FMN2: variants seen among roughly 807,000 people sequenced by gnomAD.
FMN2 encodes the protein formin 2, also known as formin-2.
In FMN2, 51 loss-of-function variants were observed where a neutral mutation model predicts 142.3. The ratio of observed to expected loss-of-function variants is 0.36; its 90% CI spans 0.29 to 0.45. The LOEUF is 0.45. FMN2 is among the 20% of genes least tolerant of loss of function. The pLI is 1.00. For missense variants in FMN2, 1,936 were observed against 2,122.8 expected (o/e 0.91, Z 1.73); for synonymous variants, 882 against 869.8 (o/e 1.01, Z -0.25).
chr1:240,418,238 C>T lies in FMN2; in HGVS notation c.4911-19823C>T, dbSNP rs1165756900. ...TTTTTGAGATGGAGTCTCACTCTGTCGCCCAGGCTGGAATGCAGTGGCACA... is the reference window on the plus strand; with the variant it reads ...TTTTTGAGATGGAGTCTCACTCTGTTGCCCAGGCTGGAATGCAGTGGCACA... On this transcript the variant is annotated intron_variant, in intron 15 of 17. Coordinates refer to ENST00000319653, the MANE Select transcript of FMN2 (RefSeq NM_020066.5). 2.1e-5 allele frequency among the ~76,000 whole-genome samples: 3 copies of T among 142,296 alleles called. No homozygotes were observed. In the Admixed American group the frequency reaches 2.2e-4, roughly 10 times the overall value. 93.4% of individuals were successfully genotyped at this position (142,296 alleles called of 152,430 possible). A position where few individuals can be genotyped will look rare whatever the true frequency, so the allele number is the denominator to read the frequency against.
At chr1:240,437,386 T>G (rs902295280) in intron 15 of FMN2, among the ~76,000 whole-genome samples, 4 of 148,904 alleles carry the variant, frequency 2.7e-5, no homozygotes, top group Non-Finnish European at 5.9e-5. Flanking sequence ...CTGTGCCTCC[T>G]GGGTTCATGC....
intron 2 of FMN2, among the ~76,000 whole-genome samples, chr1:240,173,409 A>C (rs1664790466): frequency 6.6e-6 from 1 of 152,134 alleles, no homozygotes; most frequent in Non-Finnish European, 1.5e-5. Flanking sequence ...TTAAGTGTTG[A>C]AATGTGGGGT....
At chr1:240,198,338 C>A (rs1284412632) in intron 4 of FMN2, among the ~76,000 whole-genome samples, 1 of 152,134 alleles carries the variant, frequency 6.6e-6, no homozygotes, top group African/African-American at 2.4e-5. Flanking sequence ...ATTACTTTAA[C>A]CTTCCCATCG....
intron 7 of FMN2, among the ~76,000 whole-genome samples, chr1:240,266,809 C>G (rs1203376733): frequency 6.6e-6 from 1 of 151,904 alleles, no homozygotes; most frequent in African/African-American, 2.4e-5. Context: ...CTACAGTCAT[C>G]CAATCTTCAA....
At chr1:240,184,373 A>G (rs1240067217) in intron 3 of FMN2, among the ~76,000 whole-genome samples, 2 of 148,584 alleles carry the variant, frequency 1.3e-5, no homozygotes, top group Admixed American at 1.4e-4. Flanking sequence ...AGTAGCTGGG[A>G]CTGCAGGTGC....
chr1:240,143,201 C>G, intron 2 of FMN2: 4 of 1,591,678 alleles, frequency 2.5e-6, no homozygotes, highest in Non-Finnish European at 3.4e-6. Context: ...CACTGCCCAC[C>G]ATGCCCATGG....
chr1:240,364,340 A>G (rs1219142471), intron 14 of FMN2, among the ~76,000 whole-genome samples: 1 of 152,172 alleles, frequency 6.6e-6, no homozygotes, highest in Admixed American at 6.5e-5. Context: ...AATCCCATGT[A>G]AGATAATCAA....
intron 6 of FMN2, among the ~76,000 whole-genome samples, chr1:240,248,432 G>GGTAT (rs1668156358): frequency 7.0e-6 from 1 of 142,442 alleles, no homozygotes; most frequent in African/African-American, 2.5e-5. Context: ...CATGTGATTG[G>GGTAT]ATATATATAT....
At chr1:240,350,909 T>G (rs901957200) in intron 13 of FMN2, among the ~76,000 whole-genome samples, 1 of 152,186 alleles carries the variant, frequency 6.6e-6, no homozygotes, top group African/African-American at 2.4e-5. Context: ...CAAGACATTT[T>G]GCAGATAAAC....
At chr1:240,258,093 G>A (rs1668510815) in intron 7 of FMN2, 61 bp downstream of exon 7, 6 of 1,265,954 alleles carry the variant, frequency 4.7e-6, no homozygotes, top group East Asian at 2.3e-5. Flanking sequence ...GGGATATGAT[G>A]TTTGTTGGTA....
chr1:240,439,279 A>AAAAAAAAAAAAAAAG (rs555074808), intron 16 of FMN2, among the ~76,000 whole-genome samples: 3 of 124,720 alleles, frequency 2.4e-5, no homozygotes, highest in African/African-American at 9.4e-5. Flanking sequence ...TCAAAAAAAA[A>AAAAAAAAAAAAAAAG]AAAGAAAGAA....
chr1:240,140,483 A>G (rs180870628), intron 2 of FMN2, among the ~76,000 whole-genome samples: 9 of 152,284 alleles, frequency 5.9e-5, no homozygotes, highest in Non-Finnish European at 1.3e-4. Flanking sequence ...TTGCCACAAC[A>G]CAGATCCACG....
intron 16 of FMN2, among the ~76,000 whole-genome samples, chr1:240,442,488 C>T (rs1188048655): frequency 6.6e-6 from 1 of 152,234 alleles, no homozygotes; most frequent in Non-Finnish European, 1.5e-5. Context: ...AAACAATAAT[C>T]TGGCCTAATT....
At chr1:240,446,973 C>T (rs1675839278) in intron 16 of FMN2, among the ~76,000 whole-genome samples, 1 of 152,162 alleles carries the variant, frequency 6.6e-6, no homozygotes, top group Non-Finnish European at 1.5e-5. Context: ...TTCTTCTGCA[C>T]TTAAACATTA....
chr1:240,169,768 A>G lies in FMN2; in HGVS notation c.1783-8153A>G, dbSNP rs575894724. On this transcript the variant is annotated intron_variant, in intron 2 of 17. Transcript: ENST00000319653. ...GGAATTATAGGCGTGAGCCACCAGC[A>G]CACCTGACCAGGACAGATTTTAGAG... Among the ~76,000 whole-genome samples, 59 of 152,286 alleles carry G rather than the reference A, an allele frequency of 3.9e-4. 1 individual carries two copies. The highest frequency in any genetic ancestry group is 1.3e-3 in the African/African-American group (54 of 41,568).
intron 7 of FMN2, among the ~76,000 whole-genome samples, chr1:240,278,638 T>C (rs1669297043): frequency 6.6e-6 from 1 of 152,164 alleles, no homozygotes. Flanking sequence ...GATCATAACT[T>C]CAGCTGAGAT....
At chr1:240,158,760 G>T (rs1309593960) in intron 2 of FMN2, among the ~76,000 whole-genome samples, 2 of 151,882 alleles carry the variant, frequency 1.3e-5, no homozygotes, top group Non-Finnish European at 2.9e-5. Flanking sequence ...CCCCTATTTT[G>T]TCCACACTCT....
At chr1:240,204,366 G>A (rs1295801438) in intron 4 of FMN2, among the ~76,000 whole-genome samples, 3 of 152,186 alleles carry the variant, frequency 2.0e-5, no homozygotes, top group African/African-American at 7.2e-5. Flanking sequence ...TTGGGTTGCT[G>A]AGCTGGGAGG....
chr1:240,395,255 T>C (rs1300306575), intron 15 of FMN2, among the ~76,000 whole-genome samples: 1 of 152,184 alleles, frequency 6.6e-6, no homozygotes, highest in Admixed American at 6.5e-5. Context: ...CTTCAAAATA[T>C]CACATCTCAT....
Sources: allele counts gnomAD v4.1 joint callset (sites outside exome capture counted in the v4.1 genomes callset), GRCh38; gene constraint gnomAD v4.1.1; transcripts MANE v1.5; gene names NCBI Gene and HGNC (gene_info 2026-07-23, HGNC 2026-07-21).